TCERG1L: variants seen among roughly 807,000 people sequenced by gnomAD.
TCERG1L encodes the protein transcription elongation regulator 1 like, also known as transcription elongation regulator 1-like protein.
A neutral mutation model predicts 56.3 loss-of-function variants in TCERG1L; 37 were observed. The observed-to-expected ratio is 0.66, with a 90% CI of 0.51 to 0.87. The LOEUF is 0.87. Among genes scored for constraint, TCERG1L ranks in the 40% least tolerant of loss-of-function variants. The pLI, the probability that TCERG1L is intolerant of heterozygous loss-of-function variation, is 0.00. For synonymous variants in TCERG1L, 324 were observed against 326.3 expected, an observed-to-expected ratio of 0.99 and a Z score of 0.08; for missense variants, 799 against 774.2, an observed-to-expected ratio of 1.03 and a Z score of -0.38.
intron 4 of TCERG1L, among the ~76,000 whole-genome samples, chr10:131,197,778 G>C (rs1464445086): frequency 6.6e-6 from 1 of 152,106 alleles, no homozygotes; most frequent in African/African-American, 2.4e-5. Context: ...ATACAAATGT[G>C]TATCTTTACC....
At chr10:131,123,931 C>G (rs1366445698) in intron 8 of TCERG1L, among the ~76,000 whole-genome samples, 1 of 152,136 alleles carries the variant, frequency 6.6e-6, no homozygotes, top group Admixed American at 6.5e-5. Flanking sequence ...TTTTGAACAT[C>G]ATGTGTTGTT....
chr10:131,216,350 C>A (rs1845668635), intron 4 of TCERG1L, among the ~76,000 whole-genome samples: 1 of 152,176 alleles, frequency 6.6e-6, no homozygotes, highest in South Asian at 2.1e-4. Flanking sequence ...AGCTGAGAGC[C>A]TTGTACCATC....
intron 9 of TCERG1L, among the ~76,000 whole-genome samples, chr10:131,108,626 C>T (rs761592424): frequency 3.3e-5 from 5 of 152,176 alleles, no homozygotes; most frequent in Non-Finnish European, 5.9e-5. Flanking sequence ...GCATAAGCAA[C>T]GACTTCAAAC....
At chr10:131,117,126 T>C (rs1037636479) in intron 8 of TCERG1L, among the ~76,000 whole-genome samples, 192 bp from the exon 9 acceptor site, 1 of 152,106 alleles carries the variant, frequency 6.6e-6, no homozygotes, top group East Asian at 1.9e-4. Flanking sequence ...GGCTTGGCTG[T>C]GTTCAGGGTG....
At chr10:131,147,280 C>T (rs904519864) in intron 6 of TCERG1L, among the ~76,000 whole-genome samples, 5 of 151,904 alleles carry the variant, frequency 3.3e-5, no homozygotes, top group African/African-American at 1.2e-4. Context: ...TTTTTAAGCC[C>T]CTTATCTGTG....
intron 4 of TCERG1L, among the ~76,000 whole-genome samples, chr10:131,167,668 G>A (rs1846046938): frequency 6.6e-6 from 1 of 152,216 alleles, no homozygotes. Context: ...GACAGGAGGG[G>A]CTATGTGCAG....
rs534914689 is a variant in TCERG1L, at chr10:131,154,638, C to G, written c.1035-7978G>C. 7.9e-5 allele frequency among the ~76,000 whole-genome samples: 12 copies of G among 152,336 alleles called. No homozygotes were observed. In the South Asian group the frequency reaches 1.9e-3, roughly 24 times the overall value. On this transcript the variant is annotated intron_variant, in intron 6 of 11. Coordinates refer to ENST00000368642, the MANE Select transcript of TCERG1L (RefSeq NM_174937.4). ...CAGGACTGAGTGGCCCAGGCCCATC[C>G]ACCTGGCAGCTGGGTGAGGGACTAG...
At chr10:131,146,787 G>T in intron 6 of TCERG1L, 127 bp from the exon 7 acceptor site, 1 of 1,086,406 alleles carries the variant, frequency 9.2e-7, no homozygotes, top group Non-Finnish European at 1.3e-6. Flanking sequence ...CTTGTTTATG[G>T]ATAGTATGAA....
chr10:131,230,207 G>A (rs2133508660), intron 4 of TCERG1L, among the ~76,000 whole-genome samples: 1 of 152,164 alleles, frequency 6.6e-6, no homozygotes, highest in African/African-American at 2.4e-5. Context: ...CGCCCTCCTT[G>A]GGTCCTTGTG....
intron 4 of TCERG1L, among the ~76,000 whole-genome samples, chr10:131,248,069 C>G (rs112445306): frequency 0.012 from 1,807 of 151,918 alleles, 36 homozygotes; most frequent in African/African-American, 0.037. Context: ...CCCACATACT[C>G]ACATGACTCA....
At chr10:131,207,780 C>A (rs535893671) in intron 4 of TCERG1L, among the ~76,000 whole-genome samples, 2 of 152,128 alleles carry the variant, frequency 1.3e-5, no homozygotes, top group Non-Finnish European at 2.9e-5. Flanking sequence ...CCTCACAGCT[C>A]GGGCTTCCCA....
intron 3 of TCERG1L, among the ~76,000 whole-genome samples, chr10:131,286,223 A>T (rs1564834147): frequency 6.6e-6 from 1 of 152,200 alleles, no homozygotes; most frequent in African/African-American, 2.4e-5. Context: ...AGTTCTTATA[A>T]GAAAATGATG....
At chr10:131,190,403 G>T (rs1218662566) in intron 4 of TCERG1L, among the ~76,000 whole-genome samples, 1 of 152,086 alleles carries the variant, frequency 6.6e-6, no homozygotes, top group African/African-American at 2.4e-5. Context: ...AAACAAGGAG[G>T]CCTCCCTAAA....
intron 4 of TCERG1L, among the ~76,000 whole-genome samples, chr10:131,206,724 G>A (rs966819161): frequency 7.9e-5 from 12 of 152,190 alleles, no homozygotes; most frequent in Non-Finnish European, 1.3e-4. Flanking sequence ...CAGCCAGGGT[G>A]AAATAGTGGC....
intron 3 of TCERG1L, among the ~76,000 whole-genome samples, chr10:131,307,991 T>G (rs1242566512): frequency 6.6e-6 from 1 of 152,174 alleles, no homozygotes; most frequent in Non-Finnish European, 1.5e-5. Flanking sequence ...CAGCCATCTC[T>G]TCAACATCAG....
chr10:131,121,760 G>A (rs1404187456), intron 8 of TCERG1L, among the ~76,000 whole-genome samples: 2 of 149,936 alleles, frequency 1.3e-5, no homozygotes, highest in African/African-American at 4.9e-5. Context: ...CAGTCTGCAG[G>A]TGCCAGGTCG....
chr10:131,166,999 G>A, intron 4 of TCERG1L, 114 bp from the exon 5 acceptor site: 2 of 843,332 alleles, frequency 2.4e-6, no homozygotes, highest in Non-Finnish European at 3.6e-6. Flanking sequence ...AGTAGACACT[G>A]TGCATTCCAC....
At chr10:131,221,103 T>C (rs1845727329) in intron 4 of TCERG1L, among the ~76,000 whole-genome samples, 1 of 152,014 alleles carries the variant, frequency 6.6e-6, no homozygotes, top group Non-Finnish European at 1.5e-5. Flanking sequence ...GTCACTGAGG[T>C]GGCCCCCACG....
At chr10:131,268,922 G>A (rs1373580711) in intron 3 of TCERG1L, among the ~76,000 whole-genome samples, 1 of 152,184 alleles carries the variant, frequency 6.6e-6, no homozygotes, top group Non-Finnish European at 1.5e-5. Context: ...TCAGCAGTGA[G>A]GCTGTTTCAC....
Sources: gnomAD v4.1 joint callset for allele counts (sites outside exome capture counted in the v4.1 genomes callset) on GRCh38, gnomAD v4.1.1 for gene constraint, MANE v1.5 for transcripts, NCBI Gene and HGNC (gene_info 2026-07-23, HGNC 2026-07-21) for gene names.